Variants in POU1F1 observed in about 807,000 individuals in gnomAD.
The protein encoded by POU1F1 is POU class 1 homeobox 1, also known as pituitary-specific positive transcription factor 1.
A neutral mutation model predicts 32.3 loss-of-function variants in POU1F1; 23 were observed. The observed-to-expected ratio is 0.71, with a 90% CI of 0.51 to 1.01. The LOEUF is 1.01. Ranked by LOEUF, POU1F1 falls within the 50% of genes least tolerant of loss-of-function variation. The pLI, the probability that POU1F1 is intolerant of heterozygous loss-of-function variation, is 0.00. For missense variants in POU1F1, 323 were observed against 341.6 expected (o/e 0.95, Z 0.43); for synonymous variants, 120 against 115.6 (o/e 1.04, Z -0.25).
intron 2 of POU1F1, among the ~76,000 whole-genome samples, chr3:87,265,436 A>T (rs140672514): frequency 0.011 from 1,599 of 152,178 alleles, 10 homozygotes; most frequent in South Asian, 0.024. Flanking sequence ...GGAAGAGTCT[A>T]TCTCAGTTGG....
chr3:87,267,526 G>C (rs1452169196), intron 2 of POU1F1, among the ~76,000 whole-genome samples: 1 of 152,048 alleles, frequency 6.6e-6, no homozygotes, highest in African/African-American at 2.4e-5. Context: ...AACAAACACT[G>C]TTCCACAAAA....
Position 87,262,108 on chromosome 3 carries a change from T to C in POU1F1, c.567A>G (p.Ile189Met), listed in dbSNP as rs757350287. The C allele has an allele frequency of 2.5e-6, 4 of 1,613,992 alleles. No homozygotes were observed. Among genetic ancestry groups the C allele is most frequent in the Middle Eastern group, 3.3e-4 (2 of 6,082 alleles). The change falls in exon 4 of 6, where the codon ATA (isoleucine) becomes ATG (methionine). Residue 189 changes from isoleucine to methionine, a missense_variant. Physicochemically the swap from Ile to Met is conservative, Grantham distance 10. Transcript: ENST00000350375. ...CAGCTTCCTCCAGCCATTTGGATAA[T>C]ATTGCTTTCAGTTTGCATGCATTTT... The part of the protein sequence containing the change: ...SFKNACKLKA[I>M]LSKWLEEAEQ...
chr3:87,261,789 G>T (rs913806478), intron 4 of POU1F1, among the ~76,000 whole-genome samples: 7 of 152,054 alleles, frequency 4.6e-5, no homozygotes, highest in South Asian at 2.1e-4. Context: ...GGAAAAAAAT[G>T]GATGTGTAAA....
At chr3:87,272,766 C>T (rs942092314) in intron 2 of POU1F1, among the ~76,000 whole-genome samples, 10 of 152,166 alleles carry the variant, frequency 6.6e-5, no homozygotes, top group African/African-American at 1.9e-4. Context: ...AAACAGCTAT[C>T]ACTAAAGCCC....
At position 87,276,570 on chromosome 3, in the gene POU1F1, C is replaced by T; in HGVS notation, c.-108G>A. ...TCAATTCTCACTACCTGCATATATACATCAGGAAGGCTCTGAGGCACCAGG... is the reference window on the plus strand; with the variant it reads ...TCAATTCTCACTACCTGCATATATATATCAGGAAGGCTCTGAGGCACCAGG... On this transcript the variant is annotated 5_prime_UTR_variant, in exon 1 of 6. An upstream start codon of the reference 5' UTR is lost. Coordinates refer to ENST00000350375, the MANE Select transcript of POU1F1 (RefSeq NM_000306.4). 3.8e-6 allele frequency: 5 copies of T among 1,322,690 alleles called. No homozygotes were observed. The highest frequency in any genetic ancestry group is 5.3e-6 in the Non-Finnish European group (5 of 945,478). 81.9% of individuals were successfully genotyped at this position (1,322,690 alleles called of 1,614,324 possible).
At chr3:87,274,029 C>T (rs887971951) in intron 1 of POU1F1, among the ~76,000 whole-genome samples, 2 of 152,050 alleles carry the variant, frequency 1.3e-5, no homozygotes, top group African/African-American at 4.8e-5. Context: ...TATTAAAAAC[C>T]TGTAACAATA....
chr3:87,268,481 A>G (rs1706668223), intron 2 of POU1F1, among the ~76,000 whole-genome samples: 1 of 152,120 alleles, frequency 6.6e-6, no homozygotes. Context: ...CTAACTTCAC[A>G]CAGAATTTCA....
chr3:87,269,778 GTTTGTTTTGT>G (rs150121837), intron 2 of POU1F1, among the ~76,000 whole-genome samples: 16 of 151,930 alleles, frequency 1.1e-4, no homozygotes, highest in Non-Finnish European at 1.8e-4. Flanking sequence ...AAACAAGTTT[GTTTGTTTTGT>G]TTTGTTTTGT....
At chr3:87,267,735 G>A (rs950076665) in intron 2 of POU1F1, among the ~76,000 whole-genome samples, 4 of 152,100 alleles carry the variant, frequency 2.6e-5, no homozygotes, top group African/African-American at 7.2e-5. Flanking sequence ...AGCATCCTAA[G>A]TAGAATCTAC....
At chr3:87,274,020 A>T (rs1049208022) in intron 1 of POU1F1, among the ~76,000 whole-genome samples, 7 of 152,182 alleles carry the variant, frequency 4.6e-5, no homozygotes, top group Admixed American at 6.5e-5. Context: ...TCAGAGTGCT[A>T]TTAAAAACCT....
chr3:87,264,657 C>T (rs565172994), intron 2 of POU1F1, 145 bp from the exon 3 acceptor site: 45 of 685,688 alleles, frequency 6.6e-5, no homozygotes, highest in Non-Finnish European at 1.0e-4. Context: ...TTCAGTCTTC[C>T]GAAGAAGGAG....
intron 2 of POU1F1, among the ~76,000 whole-genome samples, chr3:87,269,447 A>G (rs2106936385): frequency 6.6e-6 from 1 of 152,298 alleles, no homozygotes; most frequent in East Asian, 1.9e-4. Flanking sequence ...ACGATGTGGA[A>G]GCAAAAGATC....
intron 2 of POU1F1, among the ~76,000 whole-genome samples, chr3:87,266,240 T>A (rs1356495080): frequency 6.8e-6 from 1 of 146,934 alleles, no homozygotes; most frequent in Non-Finnish European, 1.5e-5. Context: ...AATTTATTTA[T>A]ATAAAATTTA....
At chr3:87,273,595 A>C in intron 1 of POU1F1, 177 bp from the exon 2 acceptor site, 37 of 1,255,194 alleles carry the variant, frequency 2.9e-5, no homozygotes, top group Non-Finnish European at 3.7e-5. Context: ...TGTTTTTCTC[A>C]TTTTGGGTAA....
chr3:87,274,694 C>G (rs1011546787), intron 1 of POU1F1, among the ~76,000 whole-genome samples: 1 of 151,310 alleles, frequency 6.6e-6, no homozygotes, highest in Non-Finnish European at 1.5e-5. Flanking sequence ...TCAAGTGTTC[C>G]CATTAAAGTC....
rs764794342 is a variant in POU1F1, at chr3:87,260,013, G to C, written c.757C>G (p.Leu253Val). 1 of 1,613,994 alleles carries C rather than the reference G, an allele frequency of 6.2e-7. No homozygotes were observed. Among genetic ancestry groups the C allele is most frequent in the Non-Finnish European group, 8.5e-7 (1 of 1,179,974 alleles). ...EIMRMAEELN[L>V]EKEVVRVWFC... ...CAAACTCTTACTACTTCTTTCTCCA[G>C]ATTCAGTTCTTCAGCCATCCTCATG... The change falls in exon 6 of 6, where the codon CTG (leucine) becomes GTG (valine). Residue 253 changes from leucine to valine, a missense_variant. By Grantham distance (32) the Leu-to-Val change is conservative (BLOSUM62 1). Coordinates refer to ENST00000350375, the MANE Select transcript of POU1F1 (RefSeq NM_000306.4).
chr3:87,260,075 T>A lies in POU1F1; in HGVS notation c.695A>T (p.His232Leu), dbSNP rs756565722. ...AGAAGGTTTATTCTGTTCTCCAAAG[T>A]GTCTCTCCAGAGCATCTTTAGCAGC... ...SIAAKDALER[H>L]FGEQNKPSSQ... The change falls in exon 6 of 6, where the codon CAC becomes CTC. Residue 232 changes from histidine to leucine, a missense_variant. Physicochemically the swap from His to Leu is moderately conservative, Grantham distance 99 (BLOSUM62 -3). Coordinates refer to ENST00000350375, the MANE Select transcript of POU1F1 (RefSeq NM_000306.4). The A allele has an allele frequency of 1.2e-6, 2 of 1,613,874 alleles. No individual in the cohort carries two copies. The highest frequency in any genetic ancestry group is 1.7e-5 in the Admixed American group (1 of 59,984).
At chr3:87,260,777 T>G (rs371312285) in intron 5 of POU1F1, among the ~76,000 whole-genome samples, 8 of 152,086 alleles carry the variant, frequency 5.3e-5, no homozygotes, top group African/African-American at 1.9e-4. Flanking sequence ...GTAAAAGTGT[T>G]CTTGAATCAA....
At chr3:87,269,339 G>C (rs966220112) in intron 2 of POU1F1, among the ~76,000 whole-genome samples, 29 of 152,202 alleles carry the variant, frequency 1.9e-4, no homozygotes, top group African/African-American at 6.5e-4. Flanking sequence ...AACTAGAAAG[G>C]TTGAGATATT....
Sources: allele counts gnomAD v4.1 joint callset (sites outside exome capture counted in the v4.1 genomes callset), GRCh38; gene constraint gnomAD v4.1.1; transcripts MANE v1.5; gene names NCBI Gene and HGNC (gene_info 2026-07-23, HGNC 2026-07-21).